Variants in SH3KBP1 observed in about 807,000 individuals in gnomAD.
SH3KBP1 encodes SH3 domain-containing kinase-binding protein 1.
In SH3KBP1, 8 loss-of-function variants were observed where a neutral mutation model predicts 50.1. That is an observed-to-expected ratio of 0.16 (90% CI 0.09 to 0.29). The LOEUF (loss-of-function observed/expected upper bound fraction) is 0.29. SH3KBP1 is among the 10% of genes least tolerant of loss of function. SH3KBP1 has a pLI of 1.00. For synonymous variants in SH3KBP1, 227 were observed against 218.6 expected, an observed-to-expected ratio of 1.04 and a Z score of -0.34; for missense variants, 377 against 535.2, an observed-to-expected ratio of 0.70 and a Z score of 2.92.
intron 14 of SH3KBP1, 43 bp from the exon 15 acceptor site, chrX:19,546,093 T>G (rs375852568): frequency 4.2e-6 from 5 of 1,189,778 alleles, no homozygotes; most frequent in Non-Finnish European, 5.7e-6. Flanking sequence ...AATTACACCT[T>G]AGCTGACACC....
chrX:19,634,374 A>C (rs1243677656), intron 7 of SH3KBP1, among the ~76,000 whole-genome samples: 1 of 111,668 alleles, frequency 9.0e-6, no homozygotes, highest in Non-Finnish European at 1.9e-5. Flanking sequence ...AAATTTATAC[A>C]GTTGTGTAAC....
intron 4 of SH3KBP1, among the ~76,000 whole-genome samples, chrX:19,698,082 A>G (rs1379685268): frequency 8.9e-6 from 1 of 111,961 alleles, no homozygotes; most frequent in Non-Finnish European, 1.9e-5. Context: ...ATAGGCTTAG[A>G]TGGTTAGGAA....
intron 2 of SH3KBP1, among the ~76,000 whole-genome samples, chrX:19,767,701 T>C (rs760428043): frequency 9.0e-6 from 1 of 111,295 alleles, no homozygotes; most frequent in Non-Finnish European, 1.9e-5. Context: ...TCCCTTCCCC[T>C]GGAACGTGCA....
chrX:19,664,768 T>C (rs1432937892), intron 6 of SH3KBP1: 1 of 112,238 alleles, frequency 8.9e-6, no homozygotes, highest in Non-Finnish European at 1.9e-5. Context: ...ACCAGCTTCA[T>C]AATGTTTTAG....
intron 4 of SH3KBP1, among the ~76,000 whole-genome samples, chrX:19,701,328 T>C (rs1328710156): frequency 2.7e-5 from 3 of 112,238 alleles, no homozygotes; most frequent in African/African-American, 9.7e-5. Context: ...TATGTTCACC[T>C]GGGAAACCTC....
chrX:19,627,900 C>A (rs959757950), intron 8 of SH3KBP1, among the ~76,000 whole-genome samples: 3 of 112,512 alleles, frequency 2.7e-5, no homozygotes, highest in African/African-American at 9.7e-5. Context: ...AACAGCAGTT[C>A]AGGTCTTTCA....
At position 19,756,916 on chromosome X, in the gene SH3KBP1, C is replaced by T. The variant is rs1178269264; in HGVS notation, c.163-10475G>A. On this transcript the variant is annotated intron_variant, in intron 2 of 17. Transcript: ENST00000397821. ...CCTAACGTATGCTAGCATTTGTGTA[C>T]ATTTGTATGTACGCCTCTGTGTGTA... is the stretch of plus-strand genomic sequence containing the variant. Among the ~76,000 whole-genome samples, 7 of 105,309 alleles carry T rather than the reference C, an allele frequency of 6.6e-5. No individual in the cohort carries two copies. The Admixed American group carries it at 7.2e-4, about 11-fold the overall frequency. The allele number at this position is 105,309 out of a possible 115,157, so 91.4% of individuals were successfully genotyped here. A position where few individuals can be genotyped will look rare whatever the true frequency, so the allele number is the denominator to read the frequency against.
chrX:19,805,557 C>T (rs2067021083), intron 2 of SH3KBP1, among the ~76,000 whole-genome samples: 2 of 107,093 alleles, frequency 1.9e-5, no homozygotes, highest in African/African-American at 6.9e-5. Flanking sequence ...CCTCACAGTA[C>T]CCTATCACAG....
At chrX:19,802,907 C>T (rs904906804) in intron 2 of SH3KBP1, among the ~76,000 whole-genome samples, 2 of 111,467 alleles carry the variant, frequency 1.8e-5, no homozygotes, top group African/African-American at 6.5e-5. Flanking sequence ...CTTTCTCTTT[C>T]GGGAAGGGCA....
At chrX:19,653,011 C>G (rs1025689177) in intron 6 of SH3KBP1, among the ~76,000 whole-genome samples, 1 of 111,639 alleles carries the variant, frequency 9.0e-6, no homozygotes, top group Admixed American at 9.5e-5. Flanking sequence ...GTTTTTGAGA[C>G]AGGGTCTTGC....
intron 11 of SH3KBP1, among the ~76,000 whole-genome samples, chrX:19,591,496 C>T (rs1019632110): frequency 6.3e-5 from 7 of 111,381 alleles, no homozygotes; most frequent in Non-Finnish European, 1.3e-4. Context: ...CTTCAGGAGA[C>T]GCTGGGGACC....
At chrX:19,648,391 A>T (rs1345230236) in intron 6 of SH3KBP1, among the ~76,000 whole-genome samples, 1 of 91,328 alleles carries the variant, frequency 1.1e-5, no homozygotes, top group East Asian at 3.9e-4. Flanking sequence ...AAGAGGGAGG[A>T]GGGAAGGAAG....
intron 9 of SH3KBP1, among the ~76,000 whole-genome samples, chrX:19,596,994 G>T (rs1474721443): frequency 9.0e-6 from 1 of 111,661 alleles, no homozygotes; most frequent in African/African-American, 3.3e-5. Flanking sequence ...CTCCTCCCAT[G>T]AATCAAAAAT....
chrX:19,680,598 CAGTG>C (rs1290636479), intron 6 of SH3KBP1, among the ~76,000 whole-genome samples: 2 of 111,198 alleles, frequency 1.8e-5, no homozygotes, highest in African/African-American at 3.3e-5. Flanking sequence ...AAAATGAAAA[CAGTG>C]AGCTCAATTC....
At chrX:19,662,547 G>GT (rs1390275931) in intron 6 of SH3KBP1, among the ~76,000 whole-genome samples, 1 of 111,580 alleles carries the variant, frequency 9.0e-6, no homozygotes, top group African/African-American at 3.3e-5. Flanking sequence ...CAGTTCTCTA[G>GT]TTCTTCATGA....
At chrX:19,572,414 CATGTTATATAGTACAT>C (rs780862802) in intron 12 of SH3KBP1, among the ~76,000 whole-genome samples, 13 of 99,308 alleles carry the variant, frequency 1.3e-4, no homozygotes, top group African/African-American at 4.1e-4. Flanking sequence ...ATAGTACATA[CATGTTATATAGTACAT>C]ATATGTTATA....
intron 8 of SH3KBP1, among the ~76,000 whole-genome samples, chrX:19,631,512 C>G (rs17247891): frequency 2.7e-5 from 3 of 110,618 alleles, no homozygotes; most frequent in Non-Finnish European, 5.6e-5. Flanking sequence ...TAAAAAAAAA[C>G]TCCTCCTCGG....
chrX:19,575,919 T>C (rs1161936155), intron 12 of SH3KBP1, among the ~76,000 whole-genome samples: 1 of 111,632 alleles, frequency 9.0e-6, no homozygotes, highest in East Asian at 2.8e-4. Context: ...AGCATGTGGG[T>C]ACCATTTGGC....
chrX:19,683,477 G>C (rs752510797), intron 6 of SH3KBP1: 3 of 331,421 alleles, frequency 9.1e-6, no homozygotes, highest in African/African-American at 5.2e-5. Flanking sequence ...GAGAGAGATT[G>C]GCCAGTGTCT....
Sources: gnomAD v4.1 joint callset for allele counts (sites outside exome capture counted in the v4.1 genomes callset) on GRCh38, gnomAD v4.1.1 for gene constraint, MANE v1.5 for transcripts, NCBI Gene and HGNC (gene_info 2026-07-23, HGNC 2026-07-21) for gene names.